Variants in SESTD1 observed in about 807,000 individuals in gnomAD.
SESTD1 encodes SEC14 and spectrin domain containing 1, also known as SEC14 domain and spectrin repeat-containing protein 1.
In SESTD1, 43 loss-of-function variants were observed where a neutral mutation model predicts 101.7. The observed-to-expected ratio is 0.42, with a 90% CI of 0.33 to 0.55. The LOEUF is 0.55. Among genes scored for constraint, SESTD1 ranks in the 20% least tolerant of loss-of-function variants. SESTD1 has a pLI of 0.07. For missense variants in SESTD1, 647 were observed against 815.1 expected, an observed-to-expected ratio of 0.79 and a Z score of 2.51; for synonymous variants, 283 against 286.8, an observed-to-expected ratio of 0.99 and a Z score of 0.13.
rs545794706 is a variant in SESTD1, at chr2:179,169,906, G to A, written c.369+2214C>T. ...GGAGAATCTCTTGAACCTGGGAGGC[G>A]GAGGTTGCAGTGAGCCGAGGTTGCA... is the stretch of plus-strand genomic sequence containing the variant. On this transcript the variant is annotated intron_variant, in intron 5 of 17. Coordinates refer to ENST00000428443, the MANE Select transcript of SESTD1 (RefSeq NM_178123.5). Among the ~76,000 whole-genome samples, 59 of 151,220 alleles carry A rather than the reference G, an allele frequency of 3.9e-4. 1 individual carries two copies. The highest frequency in any genetic ancestry group is 6.6e-4 in the Non-Finnish European group (45 of 67,814).
In SESTD1 at chr2:179,204,319, G is replaced by A. The variant is rs2046563268; in HGVS notation, c.-25-12453C>T. Among the ~76,000 whole-genome samples the A allele has an allele frequency of 1.5e-5, 2 of 133,564 alleles. 1 individual carries two copies. The highest frequency in any genetic ancestry group is 1.5e-4 in the Admixed American group (2 of 13,772). 87.6% of individuals were successfully genotyped at this position (133,564 alleles called of 152,430 possible). A position where few individuals can be genotyped will look rare whatever the true frequency, so the allele number is the denominator to read the frequency against. On this transcript the variant is annotated intron_variant, in intron 1 of 17. Coordinates refer to ENST00000428443, the MANE Select transcript of SESTD1 (RefSeq NM_178123.5). The stretch of plus-strand genomic sequence containing the variant: ...AGTAGCTAAAAATAAATCTAATAAT[G>A]CCCCACCAGACATTATAACCCACAC...
At chr2:179,241,673 A>T (rs2047155457) in intron 1 of SESTD1, among the ~76,000 whole-genome samples, 1 of 152,114 alleles carries the variant, frequency 6.6e-6, no homozygotes, top group African/African-American at 2.4e-5. Context: ...ATGTAATCCC[A>T]GCACTTTGGG....
At chr2:179,155,599 G>A (rs555965160) in intron 5 of SESTD1, among the ~76,000 whole-genome samples, 288 of 151,926 alleles carry the variant, frequency 1.9e-3, no homozygotes, top group South Asian at 2.9e-3. Context: ...CCAGGCAACA[G>A]AGTGAGATTC....
intron 10 of SESTD1, among the ~76,000 whole-genome samples, chr2:179,127,304 TCTC>T (rs1227332265): frequency 6.6e-6 from 1 of 152,208 alleles, no homozygotes; most frequent in African/African-American, 2.4e-5. Flanking sequence ...TTAAATGTCA[TCTC>T]CTCAGAGAGG....
At position 179,200,735 on chromosome 2, in the gene SESTD1, C is replaced by A. The variant is rs1212070294; in HGVS notation, c.-25-8869G>T. ...GCTAGCCATATGTAGAAAGCTGAAA[C>A]TGGATCCCTTCCTTACACCTTATAC... On this transcript the variant is annotated intron_variant, in intron 1 of 17. Coordinates refer to ENST00000428443, the MANE Select transcript of SESTD1 (RefSeq NM_178123.5). 4.4e-5 allele frequency among the ~76,000 whole-genome samples: 6 copies of A among 136,890 alleles called. 1 individual carries two copies. The highest frequency in any genetic ancestry group is 1.7e-4 in the African/African-American group (6 of 34,904). The allele number at this position is 136,890 out of a possible 152,430, so 89.8% of individuals were successfully genotyped here. A position where few individuals can be genotyped will look rare whatever the true frequency, so the allele number is the denominator to read the frequency against.
At chr2:179,251,623 T>A (rs988448493) in intron 1 of SESTD1, among the ~76,000 whole-genome samples, 1 of 152,162 alleles carries the variant, frequency 6.6e-6, no homozygotes, top group Non-Finnish European at 1.5e-5. Context: ...GTTTGTGTCC[T>A]CCCCCACAAA....
At chr2:179,172,031 A>G in intron 5 of SESTD1, 89 bp downstream of exon 5, 1 of 778,102 alleles carries the variant, frequency 1.3e-6, no homozygotes, top group Non-Finnish European at 2.1e-6. Flanking sequence ...AGCACTGCTT[A>G]GTAACCAATG....
chr2:179,151,505 C>T (rs2045529661), intron 5 of SESTD1, 114 bp from the exon 6 acceptor site: 1 of 564,258 alleles, frequency 1.8e-6, no homozygotes, highest in East Asian at 3.2e-5. Context: ...AACATGATGA[C>T]ACATTATCAT....
chr2:179,103,373 C>G lies in SESTD1; in HGVS notation c.*6526G>C, dbSNP rs915883864. ...AAATACAGGGCACAATAAAACTGAA[C>G]TGGAAAAAGGTATGGCAGTTTCTTT... On this transcript the variant is annotated 3_prime_UTR_variant, in exon 18 of 18. Transcript: ENST00000428443. 6.6e-6 allele frequency: 1 copy of G among 152,064 alleles called. No homozygotes were observed. The allele number at this position is 152,064 out of a possible 1,614,324, so 9.4% of individuals were successfully genotyped here. A position where few individuals can be genotyped will look rare whatever the true frequency, so the allele number is the denominator to read the frequency against.
intron 9 of SESTD1, among the ~76,000 whole-genome samples, chr2:179,141,214 A>T (rs900334161): frequency 1.3e-5 from 2 of 152,184 alleles, no homozygotes; most frequent in Non-Finnish European, 2.9e-5. Context: ...GATTCTCCAC[A>T]CTATTTTGCA....
chr2:179,156,452 C>T (rs111395417), intron 5 of SESTD1, among the ~76,000 whole-genome samples: 41 of 152,294 alleles, frequency 2.7e-4, no homozygotes, highest in African/African-American at 9.6e-4. Flanking sequence ...TTCCCACCAG[C>T]AGTACGGAAG....
At chr2:179,186,337 T>C (rs2046232244) in intron 2 of SESTD1, among the ~76,000 whole-genome samples, 1 of 152,042 alleles carries the variant, frequency 6.6e-6, no homozygotes, top group Admixed American at 6.6e-5. Flanking sequence ...CACTCATAGC[T>C]TCCCCTTGAC....
At chr2:179,159,722 G>A (rs2045698724) in intron 5 of SESTD1, among the ~76,000 whole-genome samples, 1 of 152,026 alleles carries the variant, frequency 6.6e-6, no homozygotes. Context: ...CCCTTGAAGA[G>A]ACCACTAATT....
chr2:179,244,467 C>T (rs1215765186), intron 1 of SESTD1, among the ~76,000 whole-genome samples: 1 of 131,060 alleles, frequency 7.6e-6, no homozygotes, highest in Non-Finnish European at 1.5e-5. Context: ...TCAAAAAAAA[C>T]AAACCAACAA....
In SESTD1 at chr2:179,209,176, A is replaced by T. The variant is rs2046622389; in HGVS notation, c.-25-17310T>A. Among the ~76,000 whole-genome samples the T allele has an allele frequency of 1.5e-5, 2 of 134,296 alleles. 1 individual carries two copies. The highest frequency in any genetic ancestry group is 6.0e-5 in the African/African-American group (2 of 33,572). The allele number at this position is 134,296 out of a possible 152,430, so 88.1% of individuals were successfully genotyped here. ...ACTAGTTCAACAGGAAAATATCACC[A>T]TCCTAAATATATATGCACCTAACAG... On this transcript the variant is annotated intron_variant, in intron 1 of 17. Coordinates refer to ENST00000428443, the MANE Select transcript of SESTD1 (RefSeq NM_178123.5).
rs753030413 is a variant in SESTD1 at position 179,103,669 on chromosome 2, TTTATATAA to T, written c.*6222_*6229del. The T allele has an allele frequency of 7.2e-5, 11 of 152,004 alleles. No individual in the cohort carries two copies. The highest frequency in any genetic ancestry group is 1.3e-4 in the Non-Finnish European group (9 of 67,988). 9.4% of individuals were successfully genotyped at this position (152,004 alleles called of 1,614,324 possible). A position where few individuals can be genotyped will look rare whatever the true frequency, so the allele number is the denominator to read the frequency against. On this transcript the variant is annotated 3_prime_UTR_variant, in exon 18 of 18. Transcript: ENST00000428443. ...AAAGCGTACATGTTGCGTGACTCTATTTATATAAAGTTTTAGAACAGAAAAATCTTATG... is the reference window on the plus strand; with the variant it reads ...AAAGCGTACATGTTGCGTGACTCTATAGTTTTAGAACAGAAAAATCTTATG...
intron 1 of SESTD1, among the ~76,000 whole-genome samples, chr2:179,199,117 G>A (rs2046456483): frequency 6.6e-6 from 1 of 152,020 alleles, no homozygotes; most frequent in Non-Finnish European, 1.5e-5. Flanking sequence ...AAATGATAAA[G>A]GGGAAATCAC....
intron 2 of SESTD1, among the ~76,000 whole-genome samples, chr2:179,184,097 C>T (rs189246480): frequency 1.3e-5 from 2 of 152,182 alleles, no homozygotes; most frequent in Admixed American, 1.3e-4. Flanking sequence ...TCTGAAATCC[C>T]GGTAGTAGAA....
intron 1 of SESTD1, among the ~76,000 whole-genome samples, chr2:179,198,709 G>A (rs2105506023): frequency 6.6e-6 from 1 of 151,704 alleles, no homozygotes; most frequent in South Asian, 2.1e-4. Context: ...ATGACTACTG[G>A]GTACATAACG....
Sources: allele counts gnomAD v4.1 joint callset (sites outside exome capture counted in the v4.1 genomes callset), GRCh38; gene constraint gnomAD v4.1.1; transcripts MANE v1.5; gene names NCBI Gene and HGNC (gene_info 2026-07-23, HGNC 2026-07-21).